RNF180: variants seen among roughly 807,000 people sequenced by gnomAD.
RNF180 encodes E3 ubiquitin-protein ligase RNF180.
Under a neutral mutation model 59.2 loss-of-function variants are expected in RNF180, and 38 were observed. The ratio of observed to expected loss-of-function variants is 0.64; its 90% CI spans 0.50 to 0.84. The LOEUF (loss-of-function observed/expected upper bound fraction) is 0.84. RNF180 is among the 40% of genes least tolerant of loss of function. The pLI is 0.00. For missense variants in RNF180, 705 were observed against 700.9 expected, an observed-to-expected ratio of 1.01 and a Z score of -0.07; for synonymous variants, 262 against 240.3, an observed-to-expected ratio of 1.09 and a Z score of -0.84.
chr5:64,274,458 G>A (rs1286505042), intron 5 of RNF180, among the ~76,000 whole-genome samples: 2 of 151,618 alleles, frequency 1.3e-5, no homozygotes, highest in South Asian at 2.1e-4. Context: ...GGCATGTTTC[G>A]TAATTTATAA....
intron 5 of RNF180, among the ~76,000 whole-genome samples, chr5:64,295,671 C>A (rs1742849869): frequency 6.6e-6 from 1 of 152,196 alleles, no homozygotes; most frequent in East Asian, 1.9e-4. Context: ...AGTTCTATTT[C>A]TTGGGGAACC....
Position 64,330,235 on chromosome 5 carries a change from T to C in RNF180, c.1454-46T>C. 2.3e-6 allele frequency: 3 copies of C among 1,286,456 alleles called. No individual in the cohort carries two copies. The South Asian group carries it at 4.0e-5, about 17-fold the overall frequency. The allele number at this position is 1,286,456 out of a possible 1,614,324, so 79.7% of individuals were successfully genotyped here. A position where few individuals can be genotyped will look rare whatever the true frequency, so the allele number is the denominator to read the frequency against. On this transcript the variant is annotated intron_variant, in intron 6 of 7. Coordinates refer to ENST00000389100, the MANE Select transcript of RNF180 (RefSeq NM_001113561.2). ...TTCACTTGTCATTTTCTTGCCATTT[T>C]ACTCAAATTAATTTCAAAATCCTAT...
At chr5:64,182,204 G>A (rs992002320) in intron 1 of RNF180, among the ~76,000 whole-genome samples, 4 of 151,996 alleles carry the variant, frequency 2.6e-5, no homozygotes, top group Admixed American at 6.6e-5. Context: ...TGTTAGCCAG[G>A]ATGGTCTTGA....
At chr5:64,194,583 GA>G (rs775547419) in intron 1 of RNF180, among the ~76,000 whole-genome samples, 1 of 152,192 alleles carries the variant, frequency 6.6e-6, no homozygotes, top group South Asian at 2.1e-4. Context: ...TCGCCATACT[GA>G]CTTCCACAAT....
chr5:64,214,495 G>A lies in RNF180; in HGVS notation c.1169G>A (p.Arg390His), dbSNP rs146073559. The change falls in exon 4 of 8, where the codon CGT becomes CAT. Residue 390 changes from arginine to histidine, a missense_variant. By Grantham distance (29) the Arg-to-His change is conservative. Coordinates refer to ENST00000389100, the MANE Select transcript of RNF180 (RefSeq NM_001113561.2). Reference protein sequence around the residue: ...LKNLRRKQRRRERWLQKQGKY... With the variant: ...LKNLRRKQRRHERWLQKQGKY... ...AATCTAAGAAGGAAACAACGAAGGC[G>A]TGAAAGATGGCTACAGAAGCAGGTA... 272 of 1,612,952 alleles carry A rather than the reference G, an allele frequency of 1.7e-4. 1 individual carries two copies. Among genetic ancestry groups the A allele is most frequent in the Non-Finnish European group, 2.1e-4 (246 of 1,179,242 alleles).
chr5:64,369,593 A>G, intron 7 of RNF180, 22 bp from the exon 8 acceptor site: 1 of 1,433,950 alleles, frequency 7.0e-7, no homozygotes, highest in Non-Finnish European at 9.2e-7. Context: ...AATGGGCTTT[A>G]ATATGTTCAT....
At chr5:64,194,809 A>G (rs1250544859) in intron 1 of RNF180, among the ~76,000 whole-genome samples, 1 of 152,154 alleles carries the variant, frequency 6.6e-6, no homozygotes, top group East Asian at 1.9e-4. Flanking sequence ...TCTTTTGAGA[A>G]GTGTCTGTTC....
chr5:64,304,327 G>T lies in RNF180; in HGVS notation c.1228-20859G>T, dbSNP rs866894994. On this transcript the variant is annotated intron_variant, in intron 5 of 7. Coordinates refer to ENST00000389100, the MANE Select transcript of RNF180 (RefSeq NM_001113561.2). ...TATTTTAAGAAATACATTTACTAAG[G>T]CTATAGCTGCCATAGATAGTGATGC... Among the ~76,000 whole-genome samples the T allele has an allele frequency of 7.9e-5, 12 of 151,626 alleles. No individual in the cohort carries two copies. The South Asian group carries it at 2.3e-3, about 29-fold the overall frequency.
intron 5 of RNF180, among the ~76,000 whole-genome samples, chr5:64,261,517 C>T (rs903326575): frequency 6.6e-6 from 1 of 152,102 alleles, no homozygotes; most frequent in African/African-American, 2.4e-5. Flanking sequence ...CAATGCCTTT[C>T]ATTCATTGGG....
chr5:64,270,842 A>C (rs951691223), intron 5 of RNF180, among the ~76,000 whole-genome samples: 5 of 152,124 alleles, frequency 3.3e-5, no homozygotes, highest in Non-Finnish European at 5.9e-5. Flanking sequence ...TCTGAAAGGA[A>C]ATTCAAATAA....
At chr5:64,225,653 A>T (rs1580053919) in intron 5 of RNF180, among the ~76,000 whole-genome samples, 7 of 114,800 alleles carry the variant, frequency 6.1e-5, no homozygotes, top group South Asian at 6.4e-4. Flanking sequence ...CTGGGAAGTG[A>T]GGAGCGCCTC....
At chr5:64,234,116 A>G (rs1333232680) in intron 5 of RNF180, among the ~76,000 whole-genome samples, 1 of 152,138 alleles carries the variant, frequency 6.6e-6, no homozygotes, top group East Asian at 1.9e-4. Flanking sequence ...TGTGTTTACT[A>G]CCTTGTCCAC....
At chr5:64,238,794 G>A (rs115280751) in intron 5 of RNF180, among the ~76,000 whole-genome samples, 2,660 of 152,116 alleles carry the variant, frequency 0.017, 31 homozygotes, top group Non-Finnish European at 0.022. Flanking sequence ...ACCTTTACAC[G>A]CTGTTGATTG....
Position 64,371,892 on chromosome 5 carries a change from T to C in RNF180, c.*2078T>C, listed in dbSNP as rs2112626660. ...TCTCAGATGGAAAGAAACCAGTTTCTTCTGGTATGTAGCACACAGTAGCCA... is the reference window on the plus strand; with the variant it reads ...TCTCAGATGGAAAGAAACCAGTTTCCTCTGGTATGTAGCACACAGTAGCCA... On this transcript the variant is annotated 3_prime_UTR_variant, in exon 8 of 8. Coordinates refer to ENST00000389100, the MANE Select transcript of RNF180 (RefSeq NM_001113561.2). 1 of 151,774 alleles carries C rather than the reference T, an allele frequency of 6.6e-6. No homozygotes were observed. Among genetic ancestry groups the C allele is most frequent in the South Asian group, 2.1e-4 (1 of 4,824 alleles). The allele number at this position is 151,774 out of a possible 1,614,324, so 9.4% of individuals were successfully genotyped here.
intron 2 of RNF180, among the ~76,000 whole-genome samples, chr5:64,205,924 AC>A (rs1209072202): frequency 2.0e-5 from 3 of 152,186 alleles, no homozygotes; most frequent in Admixed American, 6.6e-5. Flanking sequence ...AAAAAATAGA[AC>A]CGAAAATTAG....
intron 5 of RNF180, among the ~76,000 whole-genome samples, chr5:64,236,024 A>G (rs1742420954): frequency 6.6e-6 from 1 of 152,246 alleles, no homozygotes; most frequent in Non-Finnish European, 1.5e-5. Context: ...AGGTACTGCT[A>G]TAAAGATAGC....
At chr5:64,186,131 A>C (rs890085471) in intron 1 of RNF180, among the ~76,000 whole-genome samples, 3 of 152,102 alleles carry the variant, frequency 2.0e-5, no homozygotes, top group African/African-American at 7.2e-5. Context: ...TCTGCATCAA[A>C]CAAAATGTCT....
At chr5:64,178,563 T>C (rs948535763) in intron 1 of RNF180, among the ~76,000 whole-genome samples, 1 of 152,246 alleles carries the variant, frequency 6.6e-6, no homozygotes, top group Non-Finnish European at 1.5e-5. Context: ...AAGGCACCTA[T>C]GTTTTTCTAG....
chr5:64,298,110 T>G (rs932975272), intron 5 of RNF180, among the ~76,000 whole-genome samples: 1 of 152,088 alleles, frequency 6.6e-6, no homozygotes, highest in Admixed American at 6.6e-5. Context: ...ATTGAGAACA[T>G]GTAGTATTTG....
Sources: allele counts gnomAD v4.1 joint callset (sites outside exome capture counted in the v4.1 genomes callset), GRCh38; gene constraint gnomAD v4.1.1; transcripts MANE v1.5; gene names NCBI Gene and HGNC (gene_info 2026-07-23, HGNC 2026-07-21).